The following KATNAL1 variants were observed in gnomAD, a reference collection of about 807,000 sequenced individuals.
KATNAL1 encodes katanin p60 ATPase-containing subunit A-like 1.
KATNAL1 carries 32 observed loss-of-function variants against 55.2 expected under a neutral mutation model. The observed-to-expected ratio is 0.58, with a 90% CI of 0.44 to 0.78. The LOEUF (loss-of-function observed/expected upper bound fraction) is 0.78, where lower values mean the gene tolerates loss of function less well. KATNAL1 is among the 30% of genes least tolerant of loss of function. The pLI is 0.00. For missense variants in KATNAL1, 466 were observed against 600.9 expected (o/e 0.78, Z 2.35); for synonymous variants, 193 against 193.6 (o/e 1.00, Z 0.02).
At chr13:30,262,103 T>C (rs909772803) in intron 3 of KATNAL1, among the ~76,000 whole-genome samples, 4 of 151,784 alleles carry the variant, frequency 2.6e-5, no homozygotes, top group Non-Finnish European at 5.9e-5. Context: ...CTGAACAACC[T>C]GCTCCTGAAT....
At chr13:30,293,872 C>G (rs1882302404) in intron 1 of KATNAL1, among the ~76,000 whole-genome samples, 1 of 152,212 alleles carries the variant, frequency 6.6e-6, no homozygotes, top group Non-Finnish European at 1.5e-5. Flanking sequence ...CTTTGTGTCT[C>G]TATGTCACAT....
chr13:30,257,330 C>A (rs1391252961), intron 3 of KATNAL1, among the ~76,000 whole-genome samples: 2 of 152,200 alleles, frequency 1.3e-5, no homozygotes, highest in Admixed American at 6.5e-5. Flanking sequence ...CTTTTCCACA[C>A]AGAATTTGCA....
At chr13:30,217,809 C>T (rs1381860987) in intron 9 of KATNAL1, among the ~76,000 whole-genome samples, 4 of 152,068 alleles carry the variant, frequency 2.6e-5, no homozygotes, top group Non-Finnish European at 5.9e-5. Flanking sequence ...GCATGCAAAG[C>T]CTGGCCCATG....
chr13:30,249,965 A>G (rs55888344), intron 4 of KATNAL1, among the ~76,000 whole-genome samples: 2 of 152,178 alleles, frequency 1.3e-5, no homozygotes, highest in African/African-American at 4.8e-5. Context: ...TTGTATTTTT[A>G]AAAAAGGAAA....
intron 3 of KATNAL1, among the ~76,000 whole-genome samples, chr13:30,272,397 C>CA (rs1048839466): frequency 1.3e-4 from 20 of 148,364 alleles, no homozygotes; most frequent in Non-Finnish European, 2.8e-4. Flanking sequence ...GACTTGGTCT[C>CA]AAAAAAAAGA....
chr13:30,284,346 G>A (rs1407571414), intron 1 of KATNAL1, among the ~76,000 whole-genome samples: 6 of 152,156 alleles, frequency 3.9e-5, no homozygotes, highest in African/African-American at 1.4e-4. Flanking sequence ...CATAAAACCG[G>A]ACACTAGTTT....
At chr13:30,299,647 T>C (rs146765464) in intron 1 of KATNAL1, among the ~76,000 whole-genome samples, 51 of 152,320 alleles carry the variant, frequency 3.3e-4, no homozygotes, top group African/African-American at 1.2e-3. Flanking sequence ...ATTTTAGCAA[T>C]GTCTAATATT....
At chr13:30,269,972 G>A (rs1880143026) in intron 3 of KATNAL1, among the ~76,000 whole-genome samples, 1 of 149,560 alleles carries the variant, frequency 6.7e-6, no homozygotes, top group Non-Finnish European at 1.5e-5. Flanking sequence ...CACCCCTACT[G>A]GGAAGTGAGG....
chr13:30,277,618 T>C lies in KATNAL1; in HGVS notation c.323+2445A>G, dbSNP rs985340054. ...TACAACTCTAACCTTCCATAACCTT[T>C]AAGTCTAAATTTGCAATCTGAATAT... On this transcript the variant is annotated intron_variant, in intron 3 of 10. Coordinates refer to ENST00000380615, the MANE Select transcript of KATNAL1 (RefSeq NM_032116.5). Among the ~76,000 whole-genome samples the C allele has an allele frequency of 5.9e-5, 9 of 152,332 alleles. No homozygotes were observed. The East Asian group carries it at 1.7e-3, about 29-fold the overall frequency.
At chr13:30,301,877 T>C (rs1001352101) in intron 1 of KATNAL1, among the ~76,000 whole-genome samples, 1 of 152,182 alleles carries the variant, frequency 6.6e-6, no homozygotes, top group Non-Finnish European at 1.5e-5. Flanking sequence ...TATGTATGTA[T>C]TTATTTATTT....
At chr13:30,214,990 T>A (rs557956521) in intron 9 of KATNAL1, among the ~76,000 whole-genome samples, 54 of 152,030 alleles carry the variant, frequency 3.6e-4, no homozygotes, top group Middle Eastern at 3.4e-3. Flanking sequence ...AGAGGCAACC[T>A]ACAAAATGGG....
chr13:30,279,838 T>C (rs944625583), intron 3 of KATNAL1, among the ~76,000 whole-genome samples: 1 of 152,214 alleles, frequency 6.6e-6, no homozygotes, highest in African/African-American at 2.4e-5. Context: ...TAGGCATCTA[T>C]TGTTATTAGC....
chr13:30,281,425 T>C (rs1208515243), intron 2 of KATNAL1, among the ~76,000 whole-genome samples: 1 of 152,134 alleles, frequency 6.6e-6, no homozygotes, highest in African/African-American at 2.4e-5. Context: ...ATGGTCACTA[T>C]TTAACACACA....
chr13:30,239,757 C>A lies in KATNAL1; in HGVS notation c.726+703G>T, dbSNP rs191662815. Among the ~76,000 whole-genome samples, 254 of 146,584 alleles carry A rather than the reference C, an allele frequency of 1.7e-3. 1 individual carries two copies. Among genetic ancestry groups the A allele is most frequent in the African/African-American group, 6.0e-3 (236 of 39,570 alleles). ...CTGGAGTGCAGTTGCGCGATCTTGG[C>A]TCATTGCAAACTCCAACTCGCGGGT... is the stretch of plus-strand genomic sequence containing the variant. On this transcript the variant is annotated intron_variant, in intron 6 of 10. Coordinates refer to ENST00000380615, the MANE Select transcript of KATNAL1 (RefSeq NM_032116.5).
At chr13:30,235,225 C>G (rs1489016205) in intron 6 of KATNAL1, among the ~76,000 whole-genome samples, 2 of 152,222 alleles carry the variant, frequency 1.3e-5, no homozygotes, top group African/African-American at 4.8e-5. Flanking sequence ...GCTCACAGTT[C>G]TGCAGGCTGT....
chr13:30,279,028 T>C (rs1881072464), intron 3 of KATNAL1, among the ~76,000 whole-genome samples: 1 of 152,252 alleles, frequency 6.6e-6, no homozygotes, highest in South Asian at 2.1e-4. Context: ...TTCATAGTTC[T>C]TAAAATGTTT....
At chr13:30,253,543 T>C (rs1421660457) in intron 4 of KATNAL1, among the ~76,000 whole-genome samples, 1 of 151,804 alleles carries the variant, frequency 6.6e-6, no homozygotes, top group Non-Finnish European at 1.5e-5. Flanking sequence ...CGGGTGCCTG[T>C]AGTCCCAGCT....
At chr13:30,239,694 T>A (rs1047708027) in intron 6 of KATNAL1, among the ~76,000 whole-genome samples, 2 of 150,340 alleles carry the variant, frequency 1.3e-5, no homozygotes, top group Non-Finnish European at 1.5e-5. Flanking sequence ...GATTTTTTTT[T>A]TTTTTTTTTT....
At chr13:30,283,156 T>C (rs1007580287) in intron 2 of KATNAL1, among the ~76,000 whole-genome samples, 2 of 147,612 alleles carry the variant, frequency 1.4e-5, no homozygotes, top group African/African-American at 2.5e-5. Context: ...TAGTCCCAGC[T>C]ACTCCGGAGG....
Sources: gnomAD v4.1 joint callset for allele counts (sites outside exome capture counted in the v4.1 genomes callset) on GRCh38, gnomAD v4.1.1 for gene constraint, MANE v1.5 for transcripts, NCBI Gene and HGNC (gene_info 2026-07-23, HGNC 2026-07-21) for gene names.